The following LAMA2 variants were observed in gnomAD, a reference collection of about 807,000 sequenced individuals.
The protein encoded by LAMA2 is laminin subunit alpha 2, also known as laminin subunit alpha-2.
A neutral mutation model predicts 364.8 loss-of-function variants in LAMA2; 269 were observed. That is an observed-to-expected ratio of 0.74 (90% CI 0.67 to 0.82). The LOEUF (loss-of-function observed/expected upper bound fraction) is 0.82, where lower values mean the gene tolerates loss of function less well. Among genes scored for constraint, LAMA2 ranks in the 40% least tolerant of loss-of-function variants. The probability of loss-of-function intolerance (pLI) is 0.00; values close to 1 mark genes in which losing one functional copy is unlikely to be tolerated. For synonymous variants in LAMA2, 1,379 were observed against 1,370.6 expected (o/e 1.01, Z -0.14); for missense variants, 3,807 against 3,873.2 (o/e 0.98, Z 0.45).
At chr6:129,098,130 T>A (rs1259381407) in intron 3 of LAMA2, 43 bp from the exon 4 acceptor site, 2 of 1,599,796 alleles carry the variant, frequency 1.3e-6, no homozygotes, top group South Asian at 2.2e-5. Context: ...ATGATGAGAA[T>A]ATTTGGGAAT....
intron 55 of LAMA2, among the ~76,000 whole-genome samples, chr6:129,483,575 AT>A (rs758546154): frequency 6.6e-6 from 1 of 152,224 alleles, no homozygotes; most frequent in Non-Finnish European, 1.5e-5. Context: ...CCCCAAAATG[AT>A]ATGTAGATTC....
intron 41 of LAMA2, among the ~76,000 whole-genome samples, chr6:129,436,155 C>T (rs894161335): frequency 1.3e-5 from 2 of 152,128 alleles, no homozygotes; most frequent in African/African-American, 4.8e-5. Flanking sequence ...GCAATTTAGC[C>T]AGCACAACCG....
chr6:129,399,904 T>G (rs896705265), intron 37 of LAMA2, among the ~76,000 whole-genome samples: 2 of 152,212 alleles, frequency 1.3e-5, no homozygotes, highest in Admixed American at 6.5e-5. Flanking sequence ...GATCTATCAT[T>G]AAGTAGACAG....
rs5879934 is a variant in LAMA2 at position 129,255,405 on chromosome 6, CAAAAAAAAAAA to C, written c.2096+3130_2096+3140del. On this transcript the variant is annotated intron_variant, in intron 14 of 64. Transcript: ENST00000421865. ...TGGGTGACAGAGGGAGACTCTGTCT[CAAAAAAAAAAA>C]AAAAAAAAAAAAAAAAAAAGCCTGG... 3.9e-3 allele frequency among the ~76,000 whole-genome samples: 131 copies of C among 33,826 alleles called. 1 individual carries two copies. Among genetic ancestry groups the C allele is most frequent in the Non-Finnish European group, 5.5e-3 (103 of 18,658 alleles). 22.2% of individuals were successfully genotyped at this position (33,826 alleles called of 152,430 possible). A position where few individuals can be genotyped will look rare whatever the true frequency, so the allele number is the denominator to read the frequency against.
intron 4 of LAMA2, among the ~76,000 whole-genome samples, chr6:129,126,936 G>A (rs566572061): frequency 6.6e-6 from 1 of 152,266 alleles, no homozygotes; most frequent in South Asian, 2.1e-4. Context: ...GTGCGGTGGT[G>A]TGCACCTGTA....
chr6:128,889,676 T>C (rs1416465390), intron 1 of LAMA2, among the ~76,000 whole-genome samples: 1 of 152,176 alleles, frequency 6.6e-6, no homozygotes, highest in East Asian at 1.9e-4. Flanking sequence ...TTTAGGAAGA[T>C]AGTAAGGCAA....
chr6:129,262,090 A>T (rs140927743), intron 15 of LAMA2, among the ~76,000 whole-genome samples: 16 of 152,142 alleles, frequency 1.1e-4, no homozygotes, highest in East Asian at 3.9e-4. Flanking sequence ...ATTATCTTTT[A>T]TACAAATTCT....
At chr6:129,378,974 A>G (rs1458244422) in intron 34 of LAMA2, among the ~76,000 whole-genome samples, 1 of 152,244 alleles carries the variant, frequency 6.6e-6, no homozygotes, top group African/African-American at 2.4e-5. Flanking sequence ...CATCAATAAT[A>G]GACTGGCTAA....
chr6:129,260,601 C>T (rs1449412791), intron 14 of LAMA2, 110 bp from the exon 15 acceptor site: 3 of 775,560 alleles, frequency 3.9e-6, no homozygotes, highest in Non-Finnish European at 7.0e-6. Flanking sequence ...CTTCCTTTCT[C>T]AGCATGCATA....
chr6:129,273,348 A>C (rs1237267094), intron 17 of LAMA2, among the ~76,000 whole-genome samples: 3 of 152,180 alleles, frequency 2.0e-5, no homozygotes, highest in Admixed American at 2.0e-4. Flanking sequence ...GAAGTATTGC[A>C]TCTGGCCACT....
At position 128,930,039 on chromosome 6, in the gene LAMA2, C is replaced by T. The variant is rs377135214; in HGVS notation, c.112+46682C>T. 2.2e-4 allele frequency: 90 copies of T among 415,870 alleles called. 1 individual carries two copies. The highest frequency in any genetic ancestry group is 1.4e-3 in the Middle Eastern group (2 of 1,426). The allele number at this position is 415,870 out of a possible 1,614,324, so 25.8% of individuals were successfully genotyped here. A position where few individuals can be genotyped will look rare whatever the true frequency, so the allele number is the denominator to read the frequency against. On this transcript the variant is annotated intron_variant, in intron 1 of 64. Coordinates refer to ENST00000421865, the MANE Select transcript of LAMA2 (RefSeq NM_000426.4). ...CTCGGCGTTGCAGAGCACGGGGCGC[C>T]GTGGCGCCCGCAGCCCTGCAGGGCC...
At chr6:129,093,495 A>G (rs1216221531) in intron 3 of LAMA2, among the ~76,000 whole-genome samples, 1 of 152,132 alleles carries the variant, frequency 6.6e-6, no homozygotes, top group Non-Finnish European at 1.5e-5. Context: ...CTGTACAAAT[A>G]TCATTTTATC....
At chr6:129,452,945 G>A (rs911262452) in intron 45 of LAMA2, 43 bp from the exon 46 acceptor site, 3 of 1,588,376 alleles carry the variant, frequency 1.9e-6, no homozygotes, top group Admixed American at 3.4e-5. Flanking sequence ...CAAACTTTCT[G>A]AGAGATTTAC....
At chr6:129,434,595 GT>G (rs1461688880) in intron 41 of LAMA2, among the ~76,000 whole-genome samples, 2 of 152,130 alleles carry the variant, frequency 1.3e-5, no homozygotes, top group Admixed American at 6.6e-5. Flanking sequence ...AAAAAATTCA[GT>G]TGGATTTTCT....
In LAMA2 at chr6:129,504,702, T is replaced by A. The variant is rs111557738; in HGVS notation, c.8548-498T>A. ...TGTACTCATCAGGTTCTGCAGAAAGTAGTGCAGCTTATTTGTGCCACTCTT... is the reference window on the plus strand; with the variant it reads ...TGTACTCATCAGGTTCTGCAGAAAGAAGTGCAGCTTATTTGTGCCACTCTT... On this transcript the variant is annotated intron_variant, in intron 60 of 64. Transcript: ENST00000421865. 8.3e-3 allele frequency among the ~76,000 whole-genome samples: 1,264 copies of A among 152,326 alleles called. 11 individuals carry two copies. Among genetic ancestry groups the A allele is most frequent in the Non-Finnish European group, 0.014 (944 of 68,026 alleles).
At chr6:129,290,760 A>C (rs1239654624) in intron 19 of LAMA2, among the ~76,000 whole-genome samples, 1 of 152,230 alleles carries the variant, frequency 6.6e-6, no homozygotes, top group Non-Finnish European at 1.5e-5. Flanking sequence ...CTTAAGCTTT[A>C]GACTGATTTA....
At chr6:129,341,773 C>G (rs964579969) in intron 29 of LAMA2, among the ~76,000 whole-genome samples, 6 of 152,122 alleles carry the variant, frequency 3.9e-5, no homozygotes, top group African/African-American at 1.4e-4. Flanking sequence ...AGGGTATCAC[C>G]CCAATGTCTC....
At position 129,313,290 on chromosome 6, in the gene LAMA2, G is replaced by T. The variant is rs141488376; in HGVS notation, c.3411+193G>T. Among the ~76,000 whole-genome samples, 484 of 152,258 alleles carry T rather than the reference G, an allele frequency of 3.2e-3. 3 individuals carry two copies. Among genetic ancestry groups the T allele is most frequent in the Non-Finnish European group, 5.2e-3 (357 of 68,016 alleles). On this transcript the variant is annotated intron_variant, in intron 23 of 64. Coordinates refer to ENST00000421865, the MANE Select transcript of LAMA2 (RefSeq NM_000426.4). Reference sequence around the variant, plus strand: ...CATACCGATAAACACTGCTTTTCTAGAGCTTATTTTCAACCCAAACCCACC... The same window carrying T: ...CATACCGATAAACACTGCTTTTCTATAGCTTATTTTCAACCCAAACCCACC...
intron 3 of LAMA2, among the ~76,000 whole-genome samples, chr6:129,077,861 T>G (rs1773761301): frequency 6.6e-6 from 1 of 152,110 alleles, no homozygotes; most frequent in Non-Finnish European, 1.5e-5. Context: ...AAATCAGGAT[T>G]TGAGGGAGTG....
Sources: gnomAD v4.1 joint callset for allele counts (sites outside exome capture counted in the v4.1 genomes callset) on GRCh38, gnomAD v4.1.1 for gene constraint, MANE v1.5 for transcripts, NCBI Gene and HGNC (gene_info 2026-07-23, HGNC 2026-07-21) for gene names.